Variants in EYA1 observed in about 807,000 individuals in gnomAD.
EYA1 encodes the protein protein phosphatase EYA1.
In EYA1, 16 loss-of-function variants were observed where a neutral mutation model predicts 82.0. That is an observed-to-expected ratio of 0.20 (90% CI 0.13 to 0.30). The LOEUF is 0.30. Among genes scored for constraint, EYA1 ranks in the 10% least tolerant of loss-of-function variants. The probability of loss-of-function intolerance (pLI) is 1.00; values close to 1 mark genes in which losing one functional copy is unlikely to be tolerated. For missense variants in EYA1, 633 were observed against 730.7 expected (o/e 0.87, Z 1.54); for synonymous variants, 261 against 264.4 (o/e 0.99, Z 0.12).
chr8:71,397,789 G>A (rs188419411), intron 2 of EYA1, among the ~76,000 whole-genome samples: 3 of 152,090 alleles, frequency 2.0e-5, no homozygotes, highest in African/African-American at 4.8e-5. Context: ...TTCTCGAGGA[G>A]TATCTCTGTG....
chr8:71,251,150 A>G (rs1243800797), intron 11 of EYA1, among the ~76,000 whole-genome samples: 1 of 152,190 alleles, frequency 6.6e-6, no homozygotes, highest in African/African-American at 2.4e-5. Flanking sequence ...TCAGCATAAC[A>G]CTGATTTTGT....
At chr8:71,401,024 A>G (rs553569360) in intron 2 of EYA1, among the ~76,000 whole-genome samples, 2 of 152,312 alleles carry the variant, frequency 1.3e-5, no homozygotes, top group South Asian at 4.1e-4. Flanking sequence ...TCCTCGGCAA[A>G]CTAACGCAGG....
rs1811500953 is a variant in EYA1 at position 71,233,667 on chromosome 8, T to C, written c.1140+10936A>G. 2.0e-5 allele frequency among the ~76,000 whole-genome samples: 3 copies of C among 152,196 alleles called. No homozygotes were observed. The South Asian group carries it at 6.2e-4, about 31-fold the overall frequency. On this transcript the variant is annotated intron_variant, in intron 12 of 17. Transcript: ENST00000340726. The stretch of plus-strand genomic sequence containing the variant: ...TGGAACCACGCTGCATATCATTTTA[T>C]AACATACCTCTTCTATGTATATTGT...
intron 2 of EYA1, among the ~76,000 whole-genome samples, chr8:71,507,252 C>T (rs752743069): frequency 1.3e-5 from 2 of 152,200 alleles, no homozygotes; most frequent in African/African-American, 4.8e-5. Flanking sequence ...GGTCACAGAG[C>T]TGGTAAGTGT....
intron 2 of EYA1, among the ~76,000 whole-genome samples, chr8:71,416,160 G>A (rs139550771): frequency 3.9e-4 from 59 of 152,306 alleles, no homozygotes; most frequent in African/African-American, 1.4e-3. Context: ...CAAGAGGAGT[G>A]AGCACTAGGG....
At chr8:71,297,348 T>C (rs1220339096) in intron 9 of EYA1, among the ~76,000 whole-genome samples, 4 of 152,170 alleles carry the variant, frequency 2.6e-5, no homozygotes, top group Non-Finnish European at 4.4e-5. Flanking sequence ...CAAACACTTA[T>C]ATCTGACCAA....
chr8:71,369,032 CA>C (rs60647486), intron 2 of EYA1, among the ~76,000 whole-genome samples: 6,012 of 112,526 alleles, frequency 0.053, 228 homozygotes, highest in African/African-American at 0.14. Flanking sequence ...ACTAAAAATA[CA>C]AAAAAAAAAA....
At chr8:71,334,670 C>G (rs1427495616) in intron 3 of EYA1, among the ~76,000 whole-genome samples, 2 of 152,186 alleles carry the variant, frequency 1.3e-5, no homozygotes, top group African/African-American at 4.8e-5. Flanking sequence ...GGTTCTCCAG[C>G]ATGGCTAAAA....
At chr8:71,236,454 T>C (rs1811847710) in intron 12 of EYA1, among the ~76,000 whole-genome samples, 2 of 152,238 alleles carry the variant, frequency 1.3e-5, no homozygotes, top group South Asian at 4.1e-4. Flanking sequence ...ACCTTCCCTA[T>C]ATACAATAAA....
intron 2 of EYA1, among the ~76,000 whole-genome samples, chr8:71,523,137 A>G (rs1813528202): frequency 6.6e-6 from 1 of 150,428 alleles, no homozygotes; most frequent in Non-Finnish European, 1.5e-5. Flanking sequence ...CCAAAGTAAT[A>G]TAAAAATCTA....
chr8:71,214,478 T>TA (rs1253825828), intron 16 of EYA1, among the ~76,000 whole-genome samples: 1 of 152,212 alleles, frequency 6.6e-6, no homozygotes, highest in Non-Finnish European at 1.5e-5. Context: ...ACACTTGGCC[T>TA]CTACCTCTTC....
chr8:71,235,239 C>T (rs1444088291), intron 12 of EYA1, among the ~76,000 whole-genome samples: 1 of 152,074 alleles, frequency 6.6e-6, no homozygotes, highest in African/African-American at 2.4e-5. Context: ...TCTATCATGT[C>T]CATGCTTAAA....
chr8:71,542,604 G>A (rs1815229897), intron 1 of EYA1, among the ~76,000 whole-genome samples: 1 of 152,176 alleles, frequency 6.6e-6, no homozygotes, highest in Non-Finnish European at 1.5e-5. Context: ...GGGTCAAATG[G>A]TATTTCTGTT....
At chr8:71,493,332 T>G (rs1811158888) in intron 2 of EYA1, among the ~76,000 whole-genome samples, 1 of 152,218 alleles carries the variant, frequency 6.6e-6, no homozygotes, top group Non-Finnish European at 1.5e-5. Context: ...TTTCTTCCAC[T>G]TGCCAGCCCC....
chr8:71,362,816 C>T (rs1444416185), upstream of EYA1, among the ~76,000 whole-genome samples: 2 of 152,148 alleles, frequency 1.3e-5, no homozygotes, highest in African/African-American at 4.8e-5. Flanking sequence ...ACCTCGGAAT[C>T]TATGCATGAC....
chr8:71,216,624 T>C (rs1809237394), intron 14 of EYA1, 68 bp downstream of exon 14: 3 of 1,493,550 alleles, frequency 2.0e-6, no homozygotes, highest in Non-Finnish European at 2.8e-6. Flanking sequence ...GACACAAAAG[T>C]GTACAGTACT....
chr8:71,391,811 A>G (rs903275059), intron 2 of EYA1, among the ~76,000 whole-genome samples: 3 of 152,282 alleles, frequency 2.0e-5, no homozygotes, highest in Non-Finnish European at 1.5e-5. Context: ...AGCCTTTGCC[A>G]TGTTCTTTTT....
At chr8:71,315,383 G>A (rs1053944134) in intron 7 of EYA1, among the ~76,000 whole-genome samples, 3 of 152,196 alleles carry the variant, frequency 2.0e-5, no homozygotes, top group Non-Finnish European at 2.9e-5. Flanking sequence ...CGCAGGCCCA[G>A]AACCATACAA....
intron 11 of EYA1, among the ~76,000 whole-genome samples, chr8:71,262,395 G>A (rs1410231997): frequency 1.3e-5 from 2 of 152,056 alleles, no homozygotes; most frequent in Non-Finnish European, 2.9e-5. Context: ...GAATAACAAA[G>A]TCTGCATGGT....
Sources: allele counts gnomAD v4.1 joint callset (sites outside exome capture counted in the v4.1 genomes callset), GRCh38; gene constraint gnomAD v4.1.1; transcripts MANE v1.5; gene names NCBI Gene and HGNC (gene_info 2026-07-23, HGNC 2026-07-21).